The following ZDHHC21 variants were observed in gnomAD, a reference collection of about 807,000 sequenced individuals.
The protein encoded by ZDHHC21 is zDHHC palmitoyltransferase 21.
A neutral mutation model predicts 34.6 loss-of-function variants in ZDHHC21; 15 were observed. That is an observed-to-expected ratio of 0.43 (90% confidence interval 0.29 to 0.67). The LOEUF (loss-of-function observed/expected upper bound fraction) is 0.67, where lower values mean the gene tolerates loss of function less well. Among genes scored for constraint, ZDHHC21 ranks in the 30% least tolerant of loss-of-function variants. The pLI is 0.14. For synonymous variants in ZDHHC21, 142 were observed against 101.8 expected (o/e 1.40, Z -2.38); for missense variants, 344 against 327.7 (o/e 1.05, Z -0.38).
At chr9:14,653,290 G>C (rs967756339) in intron 7 of ZDHHC21, among the ~76,000 whole-genome samples, 4 of 151,824 alleles carry the variant, frequency 2.6e-5, no homozygotes, top group African/African-American at 9.7e-5. Flanking sequence ...AAAAAACACT[G>C]ATGAGGCAGT....
rs930737429 is a variant in ZDHHC21, at chr9:14,611,272, A to G, written c.*7694T>C. On this transcript the variant is annotated 3_prime_UTR_variant, in exon 10 of 10. Coordinates refer to ENST00000380916, the MANE Select transcript of ZDHHC21 (RefSeq NM_178566.6). Reference sequence around the variant, plus strand: ...AAGGTAGATACATGGTTTGATTTTCACATTAAGAACCAGTGTAGACTTTTC... The same window carrying G: ...AAGGTAGATACATGGTTTGATTTTCGCATTAAGAACCAGTGTAGACTTTTC... The G allele has an allele frequency of 6.6e-6, 1 of 151,998 alleles. No homozygotes were observed. The highest frequency in any genetic ancestry group is 2.4e-5 in the African/African-American group (1 of 41,426). The allele number at this position is 151,998 out of a possible 1,614,324, so 9.4% of individuals were successfully genotyped here. A position where few individuals can be genotyped will look rare whatever the true frequency, so the allele number is the denominator to read the frequency against.
At position 14,614,758 on chromosome 9, in the gene ZDHHC21, C is replaced by A. The variant is rs1011361014; in HGVS notation, c.*4208G>T. 1 of 151,700 alleles carries A rather than the reference C, an allele frequency of 6.6e-6. No homozygotes were observed. The highest frequency in any genetic ancestry group is 1.5e-5 in the Non-Finnish European group (1 of 67,700). 9.4% of individuals were successfully genotyped at this position (151,700 alleles called of 1,614,324 possible). ...AAATGTACATGGCTTATTTGCTACA[C>A]TTACCAATACTTATATTTTTAAAGC... On this transcript the variant is annotated 3_prime_UTR_variant, in exon 10 of 10. Transcript: ENST00000380916.
chr9:14,632,089 ACT>A (rs1491404944), intron 8 of ZDHHC21, among the ~76,000 whole-genome samples: 7 of 151,012 alleles, frequency 4.6e-5, no homozygotes, highest in South Asian at 2.1e-4. Flanking sequence ...ACACACACAC[ACT>A]ATCTACAAAG....
chr9:14,677,828 GC>G (rs1011323485), intron 3 of ZDHHC21, among the ~76,000 whole-genome samples: 6 of 151,928 alleles, frequency 3.9e-5, no homozygotes, highest in African/African-American at 1.4e-4. Context: ...GCCTTTTCAG[GC>G]AACTGTATTT....
chr9:14,660,336 G>A (rs1346417193), intron 6 of ZDHHC21, among the ~76,000 whole-genome samples: 2 of 118,906 alleles, frequency 1.7e-5, no homozygotes, highest in Non-Finnish European at 3.2e-5. Context: ...TCATGCCACT[G>A]CACTCCAGCC....
intron 7 of ZDHHC21, among the ~76,000 whole-genome samples, chr9:14,640,423 T>C (rs1463541441): frequency 1.3e-5 from 2 of 152,052 alleles, no homozygotes; most frequent in African/African-American, 4.8e-5. Flanking sequence ...TGCTAAAAAG[T>C]TTGAATACAC....
downstream of ZDHHC21, among the ~76,000 whole-genome samples, chr9:14,609,619 A>G (rs1205368642): frequency 6.6e-6 from 1 of 152,102 alleles, no homozygotes; most frequent in East Asian, 1.9e-4. Flanking sequence ...ATTTAATTTT[A>G]TTTTGTATGG....
intron 8 of ZDHHC21, chr9:14,622,412 G>A (rs2133458002): frequency 1.7e-5 from 6 of 353,884 alleles, no homozygotes; most frequent in Non-Finnish European, 2.4e-5. Context: ...TGGAATGGGG[G>A]GGCGGGGAAG....
At chr9:14,602,801 T>C in the ZDHHC21 span, among the ~76,000 whole-genome samples, 12 of 152,086 alleles carry the variant, frequency 7.9e-5, no homozygotes, top group South Asian at 8.3e-4. Flanking sequence ...ATTGCACTTA[T>C]AATCCCAGCC....
chr9:14,680,175 TAACA>T lies in ZDHHC21; in HGVS notation c.-175-17_-175-14del, dbSNP rs1479494899. The T allele has an allele frequency of 2.6e-5, 4 of 152,480 alleles. No homozygotes were observed. Among genetic ancestry groups the T allele is most frequent in the South Asian group, 2.1e-4 (1 of 4,828 alleles). 9.4% of individuals were successfully genotyped at this position (152,480 alleles called of 1,614,324 possible). On this transcript the variant is annotated splice_polypyrimidine_tract_variant and intron_variant, in intron 2 of 9. Coordinates refer to ENST00000380916, the MANE Select transcript of ZDHHC21 (RefSeq NM_178566.6). Reference sequence around the variant, plus strand: ...TCTCCATGAGAACCTATTCATGGTTTAACAAACAATGATTTCTCACAAAGAAAAA... The same window carrying T: ...TCTCCATGAGAACCTATTCATGGTTTAACAATGATTTCTCACAAAGAAAAA...
intron 2 of ZDHHC21, among the ~76,000 whole-genome samples, chr9:14,689,292 A>C (rs1015800092): frequency 2.0e-5 from 3 of 152,242 alleles, no homozygotes; most frequent in Non-Finnish European, 2.9e-5. Flanking sequence ...AAGTAAAAGC[A>C]GGACTGGTGA....
chr9:14,594,705 C>G, the ZDHHC21 span, among the ~76,000 whole-genome samples: 1 of 152,052 alleles, frequency 6.6e-6, no homozygotes, highest in African/African-American at 2.4e-5. Flanking sequence ...TGGAATTCAT[C>G]AAAAATTTTG....
At chr9:14,626,069 A>T (rs984269436) in intron 8 of ZDHHC21, among the ~76,000 whole-genome samples, 2 of 151,994 alleles carry the variant, frequency 1.3e-5, no homozygotes, top group Admixed American at 1.3e-4. Context: ...AACAGCTGAA[A>T]AACTGTTTAT....
In ZDHHC21 at chr9:14,618,762, A is replaced by G. The variant is rs1056759738; in HGVS notation, c.*204T>C. Reference sequence around the variant, plus strand: ...GTGGAAAGCTAATTTGAAAGTAAACATGCTTTAAAACTTAAATATAGATCT... The same window carrying G: ...GTGGAAAGCTAATTTGAAAGTAAACGTGCTTTAAAACTTAAATATAGATCT... On this transcript the variant is annotated 3_prime_UTR_variant, in exon 10 of 10. Transcript: ENST00000380916. 13 of 450,694 alleles carry G rather than the reference A, an allele frequency of 2.9e-5. No individual in the cohort carries two copies. Among genetic ancestry groups the G allele is most frequent in the African/African-American group, 4.0e-5 (2 of 49,430 alleles). 27.9% of individuals were successfully genotyped at this position (450,694 alleles called of 1,614,324 possible).
chr9:14,631,005 A>T (rs527758188), intron 8 of ZDHHC21, among the ~76,000 whole-genome samples: 1 of 152,344 alleles, frequency 6.6e-6, no homozygotes, highest in South Asian at 2.1e-4. Flanking sequence ...GCTTCAACTT[A>T]CAGTCACCAG....
At chr9:14,596,223 G>C in the ZDHHC21 span, among the ~76,000 whole-genome samples, 7 of 152,212 alleles carry the variant, frequency 4.6e-5, no homozygotes, top group African/African-American at 1.7e-4. Context: ...AATGGAATTT[G>C]GCTCAGCAAC....
chr9:14,661,883 C>T (rs1296127240), intron 6 of ZDHHC21, among the ~76,000 whole-genome samples: 4 of 152,096 alleles, frequency 2.6e-5, no homozygotes, highest in Non-Finnish European at 5.9e-5. Context: ...AAATAGCTAC[C>T]ATTTAAGTAC....
chr9:14,657,751 C>T (rs939843098), intron 7 of ZDHHC21, among the ~76,000 whole-genome samples: 7 of 152,124 alleles, frequency 4.6e-5, no homozygotes, highest in South Asian at 2.1e-4. Flanking sequence ...ACCTCTTAGC[C>T]TGTCTTTGTT....
At chr9:14,644,291 A>G (rs1461348521) in intron 7 of ZDHHC21, among the ~76,000 whole-genome samples, 1 of 152,188 alleles carries the variant, frequency 6.6e-6, no homozygotes, top group African/African-American at 2.4e-5. Flanking sequence ...TAAATCATTT[A>G]TACAGTTACA....
Sources: allele counts gnomAD v4.1 joint callset (sites outside exome capture counted in the v4.1 genomes callset), GRCh38; gene constraint gnomAD v4.1.1; transcripts MANE v1.5; gene names NCBI Gene and HGNC (gene_info 2026-07-23, HGNC 2026-07-21).